The following EPB41L3 variants were observed in gnomAD, a reference collection of about 807,000 sequenced individuals.
The protein encoded by EPB41L3 is band 4.1-like protein 3.
Under a neutral mutation model 127.1 loss-of-function variants are expected in EPB41L3, and 57 were observed. The ratio of observed to expected loss-of-function variants is 0.45; its 90% confidence interval spans 0.36 to 0.56. The LOEUF (loss-of-function observed/expected upper bound fraction) is 0.56, where lower values mean the gene tolerates loss of function less well. Among genes scored for constraint, EPB41L3 ranks in the 20% least tolerant of loss-of-function variants. EPB41L3 has a pLI of 0.00. For missense variants in EPB41L3, 1,273 were observed against 1,372.2 expected (o/e 0.93, Z 1.14); for synonymous variants, 572 against 549.5 (o/e 1.04, Z -0.57).
intron 3 of EPB41L3, among the ~76,000 whole-genome samples, chr18:5,464,843 G>A (rs1200156097): frequency 6.6e-6 from 1 of 152,120 alleles, no homozygotes; most frequent in Admixed American, 6.5e-5. Context: ...ACGTCCCGAG[G>A]GACTAGAGAT....
chr18:5,410,595 C>T lies in EPB41L3; in HGVS notation c.2092G>A (p.Ala698Thr), dbSNP rs201553363. The T allele has an allele frequency of 7.2e-5, 116 of 1,613,486 alleles. 1 individual carries two copies. The highest frequency in any genetic ancestry group is 3.3e-4 in the South Asian group (30 of 90,984). The change falls in exon 14 of 23, where the codon GCA becomes ACA. Residue 698 changes from alanine (A) to threonine (T), a missense_variant. Around this residue, in one of 3 missense-constraint regions of EPB41L3, gnomAD observed 765 missense variants for 782.9 expected, o/e 0.98. Transcript: ENST00000341928. ...EETDSERTDTAADGETTATES... is the reference protein window; with the variant it reads ...EETDSERTDTTADGETTATES... ...GTGGCAGTGGTCTCCCCGTCGGCTGCGGTGTCCGTGCGCTCACTGTCAGTC... is the reference window on the plus strand; with the variant it reads ...GTGGCAGTGGTCTCCCCGTCGGCTGTGGTGTCCGTGCGCTCACTGTCAGTC...
chr18:5,414,938 G>A (rs570562002), intron 13 of EPB41L3, among the ~76,000 whole-genome samples: 1 of 152,312 alleles, frequency 6.6e-6, no homozygotes, highest in South Asian at 2.1e-4. Context: ...GATAGTTCAG[G>A]GTCTTTCGCC....
rs2093826317 is a variant in EPB41L3 at position 5,543,921 on chromosome 18, A to G, written c.-20T>C. On this transcript the variant is annotated 5_prime_UTR_variant, in exon 1 of 23. Transcript: ENST00000341928. This position sits in a 1 kb window ranked among gnomAD's most constrained non-coding sequence, Gnocchi z 5.2. ...AGAGGCGGAAAAGTTACCTGGGATC[A>G]GCAGGGAGCCCGGGCGCGCCGCGGC... 2.0e-6 allele frequency: 2 copies of G among 984,328 alleles called. No homozygotes were observed. The highest frequency in any genetic ancestry group is 6.2e-5 in the Admixed American group (1 of 16,174). The allele number at this position is 984,328 out of a possible 1,614,324, so 61.0% of individuals were successfully genotyped here.
rs757113359 is a variant in EPB41L3 at position 5,419,759 on chromosome 18, C to A, written c.1458G>T (p.Arg486Ser). 1.2e-6 allele frequency: 2 copies of A among 1,614,108 alleles called. No individual in the cohort carries two copies. Among genetic ancestry groups the A allele is most frequent in the Non-Finnish European group, 1.7e-6 (2 of 1,180,050 alleles). ...EERDEEEDKR[R>S]KGEEVTPISA... ...AGATGGGCGTGACTTCTTCCCCCTT[C>A]CTCCGTTTGTCCTCTTCCTCGTCCC... The change falls in exon 12 of 23, where the codon AGG becomes AGT. Residue 486 changes from arginine (R) to serine (S), a missense_variant. Physicochemically the swap from Arg to Ser is moderately radical, Grantham distance 110. Around this residue, in one of 3 missense-constraint regions of EPB41L3, gnomAD observed 765 missense variants for 782.9 expected, o/e 0.98. Transcript: ENST00000341928.
chr18:5,517,333 A>C (rs1198898875), intron 1 of EPB41L3, among the ~76,000 whole-genome samples: 1 of 152,132 alleles, frequency 6.6e-6, no homozygotes, highest in Admixed American at 6.5e-5. Flanking sequence ...CAGAAGAAAC[A>C]ATGTCAAGTT....
At chr18:5,596,316 C>T (rs79378112) in intron 3 of EPB41L3, among the ~76,000 whole-genome samples, 1,772 of 152,302 alleles carry the variant, frequency 0.012, 28 homozygotes, top group African/African-American at 0.035. Context: ...TCTAACAAGT[C>T]CCAGGTAAGG....
At chr18:5,407,607 AT>A in intron 15 of EPB41L3, 93 bp downstream of exon 15, 1 of 1,313,972 alleles carries the variant, frequency 7.6e-7, no homozygotes, top group Non-Finnish European at 1.1e-6. Flanking sequence ...GCTACAGAGC[AT>A]GCTGAAAGAT....
intron 3 of EPB41L3, among the ~76,000 whole-genome samples, chr18:5,457,085 G>A (rs1599184368): frequency 6.6e-6 from 1 of 152,296 alleles, no homozygotes; most frequent in South Asian, 2.1e-4. Flanking sequence ...ATTTGCAAAT[G>A]GTAGTAAATA....
chr18:5,447,448 CTTTTTTTTTTT>C (rs10694622), intron 3 of EPB41L3, among the ~76,000 whole-genome samples: 1 of 114,130 alleles, frequency 8.8e-6, no homozygotes, highest in Non-Finnish European at 1.7e-5. Flanking sequence ...AGCTAGACTA[CTTTTTTTTTTT>C]TTTTTTTTTT....
chr18:5,398,729 T>C, intron 16 of EPB41L3: 1 of 399,402 alleles, frequency 2.5e-6, no homozygotes, highest in Non-Finnish European at 4.4e-6. Context: ...AATATCTCCA[T>C]TCGGACAGGC....
At chr18:5,472,868 G>A (rs2086419072) in intron 3 of EPB41L3, among the ~76,000 whole-genome samples, 1 of 152,176 alleles carries the variant, frequency 6.6e-6, no homozygotes, top group Non-Finnish European at 1.5e-5. Flanking sequence ...ATAGTTAGAA[G>A]GTAACAAAAG....
upstream of EPB41L3, among the ~76,000 whole-genome samples, chr18:5,630,164 G>T (rs2094977139): frequency 6.6e-6 from 1 of 152,166 alleles, no homozygotes; most frequent in Non-Finnish European, 1.5e-5. Context: ...CTCTCTGCTC[G>T]TCCCTAGTCT....
At chr18:5,604,679 T>TA (rs1359146799) in intron 3 of EPB41L3, among the ~76,000 whole-genome samples, 1 of 152,038 alleles carries the variant, frequency 6.6e-6, no homozygotes, top group African/African-American at 2.4e-5. Context: ...GTCTCGAACT[T>TA]CTGGCCTCAA....
intron 2 of EPB41L3, among the ~76,000 whole-genome samples, chr18:5,486,275 T>A (rs2089734740): frequency 6.6e-6 from 1 of 151,914 alleles, no homozygotes; most frequent in Admixed American, 6.6e-5. Context: ...GAAAACTGGA[T>A]AACTGTATGA....
chr18:5,617,553 C>CAG (rs1384587656), intron 1 of EPB41L3, among the ~76,000 whole-genome samples: 2 of 152,106 alleles, frequency 1.3e-5, no homozygotes, highest in Non-Finnish European at 2.9e-5. Context: ...CTCCTGACCT[C>CAG]GCGATCCGCC....
intron 3 of EPB41L3, among the ~76,000 whole-genome samples, chr18:5,555,340 C>T (rs2094018921): frequency 6.6e-6 from 1 of 152,158 alleles, no homozygotes; most frequent in Non-Finnish European, 1.5e-5. Flanking sequence ...CATAAGGAGA[C>T]AGTGAGTTGG....
chr18:5,407,802 T>G, intron 14 of EPB41L3, 66 bp from the exon 15 acceptor site: 1 of 1,483,382 alleles, frequency 6.7e-7, no homozygotes, highest in Non-Finnish European at 9.4e-7. Context: ...ATTGAAGAAC[T>G]ATGGTCTACA....
intron 1 of EPB41L3, among the ~76,000 whole-genome samples, chr18:5,529,510 C>T (rs2093343360): frequency 6.6e-6 from 1 of 152,096 alleles, no homozygotes; most frequent in African/African-American, 2.4e-5. Context: ...GTGAAAGAAT[C>T]AGTGCACAAG....
At chr18:5,473,080 C>A (rs1004231032) in intron 3 of EPB41L3, among the ~76,000 whole-genome samples, 7 of 152,042 alleles carry the variant, frequency 4.6e-5, no homozygotes, top group African/African-American at 1.7e-4. Context: ...TCTAAGTAAT[C>A]TAGGGGCCAG....
Sources: allele counts gnomAD v4.1 joint callset (sites outside exome capture counted in the v4.1 genomes callset), GRCh38; gene constraint gnomAD v4.1.1; regional missense constraint gnomAD v4.1.1; non-coding constraint Gnocchi (gnomAD v3.1); transcripts MANE v1.5; gene names NCBI Gene and HGNC (gene_info 2026-07-23, HGNC 2026-07-21).